The following ACOT13 variants were observed in gnomAD, a reference collection of about 807,000 sequenced individuals.
The protein encoded by ACOT13 is acyl-CoA thioesterase 13.
A neutral mutation model predicts 11.8 loss-of-function variants in ACOT13; 10 were observed. The ratio of observed to expected loss-of-function variants is 0.85; its 90% confidence interval spans 0.53 to 1.44. ACOT13 has a LOEUF of 1.44. ACOT13 is among the 40% of genes most tolerant of loss of function. The pLI is 0.00. For missense variants in ACOT13, 172 were observed against 174.1 expected (o/e 0.99, Z 0.07); for synonymous variants, 53 against 61.0 (o/e 0.87, Z 0.61).
intron 1 of ACOT13, among the ~76,000 whole-genome samples, chr6:24,696,544 C>T (rs992116214): frequency 6.6e-5 from 10 of 152,182 alleles, no homozygotes; most frequent in African/African-American, 2.2e-4. Flanking sequence ...AGACATCCCC[C>T]TACTCCCAAA....
intron 1 of ACOT13, among the ~76,000 whole-genome samples, chr6:24,680,654 T>C (rs2127623586): frequency 6.6e-6 from 1 of 152,258 alleles, no homozygotes; most frequent in South Asian, 2.1e-4. Flanking sequence ...TAGTGGTCCT[T>C]TACCAGCGTG....
intron 1 of ACOT13, chr6:24,687,401 A>G: frequency 2.3e-5 from 28 of 1,203,136 alleles, no homozygotes; most frequent in Non-Finnish European, 2.9e-5. Flanking sequence ...CTTTTCTCCC[A>G]CAGTAACACG....
chr6:24,681,493 CACT>C (rs1778547160), intron 1 of ACOT13, among the ~76,000 whole-genome samples: 1 of 55,632 alleles, frequency 1.8e-5, no homozygotes, highest in Non-Finnish European at 3.2e-5. Context: ...GAATAGGGCA[CACT>C]TTTTTTTTTT....
intron 1 of ACOT13, among the ~76,000 whole-genome samples, chr6:24,682,642 C>T (rs559332143): frequency 4.6e-5 from 7 of 151,890 alleles, no homozygotes; most frequent in African/African-American, 1.2e-4. Flanking sequence ...CTGCTGGATC[C>T]GGAGGGATGG....
chr6:24,684,496 T>A (rs1260925008), intron 1 of ACOT13, among the ~76,000 whole-genome samples: 1 of 152,154 alleles, frequency 6.6e-6, no homozygotes, highest in East Asian at 1.9e-4. Context: ...CATCCTTGCC[T>A]AAGTTGGCAG....
chr6:24,693,726 CTT>C (rs879806313), intron 1 of ACOT13, among the ~76,000 whole-genome samples: 12 of 140,232 alleles, frequency 8.6e-5, no homozygotes, highest in Non-Finnish European at 1.1e-4. Context: ...CAACCTGAGT[CTT>C]TTTTTTTTTT....
At chr6:24,681,046 A>G (rs1302790115) in intron 1 of ACOT13, among the ~76,000 whole-genome samples, 4 of 152,190 alleles carry the variant, frequency 2.6e-5, no homozygotes, top group South Asian at 4.1e-4. Flanking sequence ...GGACCTTTGT[A>G]TGGTAATTAA....
intron 1 of ACOT13, among the ~76,000 whole-genome samples, chr6:24,676,417 A>G (rs1282881303): frequency 1.4e-5 from 2 of 141,010 alleles, no homozygotes; most frequent in Admixed American, 7.1e-5. Context: ...AGTGGTTTGT[A>G]GTTCTCCTTG....
chr6:24,672,884 G>A (rs930917963), intron 1 of ACOT13, among the ~76,000 whole-genome samples: 1 of 152,200 alleles, frequency 6.6e-6, no homozygotes, highest in African/African-American at 2.4e-5. Context: ...TGGGCCTTGA[G>A]GAGTTGAATG....
In ACOT13 at chr6:24,704,158, T is replaced by C. The variant is rs547026602; in HGVS notation, c.*2543T>C. The stretch of plus-strand genomic sequence containing the variant: ...GAAATATTCTTGTACTTGGAACATA[T>C]GCCGAAGTACTAAGGAAGGGGTAAG... On this transcript the variant is annotated 3_prime_UTR_variant, in exon 3 of 3. Transcript: ENST00000230048. 1 of 152,244 alleles carries C rather than the reference T, an allele frequency of 6.6e-6. No homozygotes were observed. Among genetic ancestry groups the C allele is most frequent in the Non-Finnish European group, 1.5e-5 (1 of 68,016 alleles). 9.4% of individuals were successfully genotyped at this position (152,244 alleles called of 1,614,324 possible).
At chr6:24,684,492 T>G (rs1156797113) in intron 1 of ACOT13, among the ~76,000 whole-genome samples, 1 of 152,214 alleles carries the variant, frequency 6.6e-6, no homozygotes. Context: ...ACTACATCCT[T>G]GCCTAAGTTG....
chr6:24,682,107 TAGAA>T (rs1778561536), intron 1 of ACOT13, among the ~76,000 whole-genome samples: 1 of 152,166 alleles, frequency 6.6e-6, no homozygotes, highest in African/African-American at 2.4e-5. Context: ...TGGGGGTTGT[TAGAA>T]AGCCCTTCCG....
At position 24,701,641 on chromosome 6, in the gene ACOT13, A is replaced by C; in HGVS notation, c.*26A>C. ...GAGAACAGCAGAATGACCTAAAGAA[A>C]CCCAACAATGAATATCAAGTATAGA... On this transcript the variant is annotated 3_prime_UTR_variant, in exon 3 of 3. Transcript: ENST00000230048. The C allele has an allele frequency of 6.3e-7, 1 of 1,574,862 alleles. No individual in the cohort carries two copies. Among genetic ancestry groups the C allele is most frequent in the South Asian group, 1.2e-5 (1 of 85,664 alleles).
At chr6:24,699,852 A>G (rs1353225958) in intron 2 of ACOT13, among the ~76,000 whole-genome samples, 1 of 152,254 alleles carries the variant, frequency 6.6e-6, no homozygotes, top group Non-Finnish European at 1.5e-5. Context: ...AATTTTCAGT[A>G]AGTCAAACAT....
chr6:24,699,434 T>C (rs1362634295), intron 2 of ACOT13, among the ~76,000 whole-genome samples: 1 of 152,150 alleles, frequency 6.6e-6, no homozygotes, highest in Non-Finnish European at 1.5e-5. Context: ...CTGGTCTCGA[T>C]CTCCTCACCT....
intron 1 of ACOT13, among the ~76,000 whole-genome samples, chr6:24,669,459 AG>A (rs1296956336): frequency 2.0e-5 from 3 of 152,182 alleles, no homozygotes. Flanking sequence ...ATGGGAGGCA[AG>A]TTTGTCTTAA....
At chr6:24,674,702 C>A (rs78955657) in intron 1 of ACOT13, among the ~76,000 whole-genome samples, 6,393 of 152,248 alleles carry the variant, frequency 0.042, 172 homozygotes, top group East Asian at 0.076. Context: ...AGGCATGAGT[C>A]AGTGCACCCA....
intron 1 of ACOT13, among the ~76,000 whole-genome samples, chr6:24,668,575 C>T (rs1185046190): frequency 1.3e-5 from 2 of 152,192 alleles, no homozygotes; most frequent in Admixed American, 1.3e-4. Context: ...GGGTGTGGAG[C>T]AGCAGCTCAG....
chr6:24,688,687 C>A (rs1364635257), intron 1 of ACOT13, among the ~76,000 whole-genome samples: 1 of 152,098 alleles, frequency 6.6e-6, no homozygotes, highest in Non-Finnish European at 1.5e-5. Flanking sequence ...CTAACAGGAG[C>A]ATGTCATTAA....
Sources: gnomAD v4.1 joint callset for allele counts (sites outside exome capture counted in the v4.1 genomes callset) on GRCh38, gnomAD v4.1.1 for gene constraint, MANE v1.5 for transcripts, NCBI Gene and HGNC (gene_info 2026-07-23, HGNC 2026-07-21) for gene names.